Variants in SLC39A4 observed in about 807,000 individuals in gnomAD.
The protein encoded by SLC39A4 is zinc transporter ZIP4.
A neutral mutation model predicts 56.6 loss-of-function variants in SLC39A4; 49 were observed. The observed-to-expected ratio is 0.87, with a 90% CI of 0.69 to 1.10. SLC39A4 has a LOEUF of 1.10. SLC39A4 is among the 50% of genes least tolerant of loss of function. The pLI is 0.00. For synonymous variants in SLC39A4, 540 were observed against 420.4 expected (o/e 1.28, Z -3.48); for missense variants, 993 against 864.2 (o/e 1.15, Z -1.87).
Position 144,414,026 on chromosome 8 carries a change from G to T in SLC39A4, c.1219C>A (p.Leu407Met). 6.3e-7 allele frequency: 1 copy of T among 1,594,842 alleles called. No individual in the cohort carries two copies. Among genetic ancestry groups the T allele is most frequent in the Admixed American group, 1.7e-5 (1 of 57,322 alleles). Residue 407 changes from leucine to methionine, a missense_variant, in exon 7 of 12, where the codon CTG becomes ATG. By Grantham distance (15) the Leu-to-Met change is conservative (BLOSUM62 2). Coordinates refer to ENST00000301305, the MANE Select transcript of SLC39A4 (RefSeq NM_130849.4). Reference sequence around the variant, plus strand: ...AGGAAGAAGGCGTAGAGCCCGGCCAGCATAGCCAGGAGGCGCCAGGTGGGC... The same window carrying T: ...AGGAAGAAGGCGTAGAGCCCGGCCATCATAGCCAGGAGGCGCCAGGTGGGC... ...PQPTWRLLAM[L>M]AGLYAFFLFE...
Position 144,414,753 on chromosome 8 carries a change from GGGGGGCCTGGACT to G in SLC39A4, c.935_947del (p.Gln312ProfsTer33). On this transcript the variant is annotated frameshift_variant, in exon 5 of 12. Coordinates refer to ENST00000301305, the MANE Select transcript of SLC39A4 (RefSeq NM_130849.4). LOFTEE classifies it high-confidence loss of function. ...CTGACTGGCTGAGCTGGTCCTGGAC[GGGGGGCCTGGACT>G]GGGAGGTGCAGGCTCCACTCAGCTG... 1 of 1,612,946 alleles carries G rather than the reference GGGGGGCCTGGACT, an allele frequency of 6.2e-7. No individual in the cohort carries two copies. Among genetic ancestry groups the G allele is most frequent in the Non-Finnish European group, 8.5e-7 (1 of 1,179,854 alleles).
chr8:144,416,619 G>A lies in SLC39A4; in HGVS notation c.171C>T (p.Cys57=), dbSNP rs781945467. 59 of 1,598,236 alleles carry A rather than the reference G, an allele frequency of 3.7e-5. 1 individual carries two copies. In the South Asian group the frequency reaches 4.5e-4, roughly 12 times the overall value. Residue 57 remains cysteine, a synonymous_variant, in exon 1 of 12, where the codon TGC becomes TGT. Coordinates refer to ENST00000301305, the MANE Select transcript of SLC39A4 (RefSeq NM_130849.4). ...LLNTLADRVH[C]ANGPCGKCLS... ...TTACCTTTCCACACGGCCCGTTGGC[G>A]CAGTGCACACGGTCCGCCAGCGTAT...
Position 144,412,501 on chromosome 8 carries a change from G to T in SLC39A4, c.*37C>A, listed in dbSNP as rs781909019. 2 of 1,614,022 alleles carry T rather than the reference G, an allele frequency of 1.2e-6. No homozygotes were observed. Among genetic ancestry groups the T allele is most frequent in the Middle Eastern group, 1.7e-4 (1 of 6,054 alleles). ...CTGGGCTGTAGGTTTGTGAGGTGTG[G>T]GATCTTAAGTCAAAGGTGGGGGACT... is the stretch of plus-strand genomic sequence containing the variant. On this transcript the variant is annotated 3_prime_UTR_variant, in exon 12 of 12. Coordinates refer to ENST00000301305, the MANE Select transcript of SLC39A4 (RefSeq NM_130849.4).
Position 144,413,829 on chromosome 8 carries a change from C to A in SLC39A4, c.1340G>T (p.Ser447Ile). The change falls in exon 8 of 12, where the codon AGC becomes ATC. Residue 447 changes from serine (S) to isoleucine (I), a missense_variant. By Grantham distance (142) the Ser-to-Ile change is moderately radical. Coordinates refer to ENST00000301305, the MANE Select transcript of SLC39A4 (RefSeq NM_130849.4). ...TGCCAGCTGCAGGGACACACCGTGGCTGTGGCCCCCGTGGCTATGGCTGCT... is the reference window on the plus strand; with the variant it reads ...TGCCAGCTGCAGGGACACACCGTGGATGTGGCCCCCGTGGCTATGGCTGCT... ...GHSSHSHGGHSHGVSLQLAPS... is the reference protein window; with the variant it reads ...GHSSHSHGGHIHGVSLQLAPS... The A allele has an allele frequency of 6.3e-7, 1 of 1,590,276 alleles. No homozygotes were observed. Among genetic ancestry groups the A allele is most frequent in the South Asian group, 1.1e-5 (1 of 88,254 alleles).
chr8:144,412,878 C>T lies in SLC39A4; in HGVS notation c.1696G>A (p.Ala566Thr), dbSNP rs188807369. 4.3e-6 allele frequency: 7 copies of T among 1,611,172 alleles called. No individual in the cohort carries two copies. The East Asian group carries it at 1.6e-4, about 36-fold the overall frequency. ...TAGAGACCAGCGAAGGCCGTGAGCG[C>T]GGAGGCCAGGTTCAGCAGCAGTGCT... ...RQALLLNLASALTAFAGLYVA... is the reference protein window; with the variant it reads ...RQALLLNLASTLTAFAGLYVA... Residue 566 changes from alanine (A) to threonine (T), a missense_variant, in exon 11 of 12, where the codon GCG (alanine) becomes ACG (threonine). Ala to Thr is a moderately conservative substitution (Grantham distance 58). Transcript: ENST00000301305.
At chr8:144,412,986 T>C (rs1554872114) in intron 10 of SLC39A4, 40 bp from the exon 11 acceptor site, 2 of 1,549,852 alleles carry the variant, frequency 1.3e-6, no homozygotes, top group Non-Finnish European at 1.7e-6. Context: ...CCCTCCTAGC[T>C]ACATGCCCCG....
At position 144,414,807 on chromosome 8, in the gene SLC39A4, A is replaced by G; in HGVS notation, c.894T>C (p.Pro298=). Residue 298 remains proline, a synonymous_variant, in exon 5 of 12, where the codon CCT becomes CCC. Coordinates refer to ENST00000301305, the MANE Select transcript of SLC39A4 (RefSeq NM_130849.4). ...VTPEAWAQLS[P]ALLQQQLSGA... is the part of the protein sequence containing the mutation. ...CACTCAGCTGCTGTTGGAGCAGGGCAGGGCTCAGTTGGGCCCAGGCCTCCG... is the reference window on the plus strand; with the variant it reads ...CACTCAGCTGCTGTTGGAGCAGGGCGGGGCTCAGTTGGGCCCAGGCCTCCG... The G allele has an allele frequency of 6.2e-7, 1 of 1,613,184 alleles. No homozygotes were observed. Among genetic ancestry groups the G allele is most frequent in the Non-Finnish European group, 8.5e-7 (1 of 1,179,984 alleles).
In SLC39A4 at chr8:144,412,610, G is replaced by A; in HGVS notation, c.1872C>T (p.His624=). The A allele has an allele frequency of 1.2e-6, 2 of 1,614,182 alleles. No homozygotes were observed. Among genetic ancestry groups the A allele is most frequent in the East Asian group, 2.2e-5 (1 of 44,882 alleles). Residue 624 remains histidine (H), a synonymous_variant, in exon 12 of 12, where the codon CAC becomes CAT. Coordinates refer to ENST00000301305, the MANE Select transcript of SLC39A4 (RefSeq NM_130849.4). Reference sequence around the variant, plus strand: ...TCCAGCCGCCCAGCAGGCCCACGTTGTGCAGCAGGAAGAGGAGCCAGGGCC... The same window carrying A: ...TCCAGCCGCCCAGCAGGCCCACGTTATGCAGCAGGAAGAGGAGCCAGGGCC... The part of the protein sequence containing the change: ...DPRPWLLFLL[H]NVGLLGGWTV...
intron 5 of SLC39A4, 127 bp downstream of exon 5, chr8:144,414,598 T>C (rs1822084925): frequency 2.0e-6 from 3 of 1,502,248 alleles, no homozygotes; most frequent in South Asian, 1.3e-5. Flanking sequence ...CACCTTCCCC[T>C]GTGTCTGTTG....
At position 144,412,915 on chromosome 8, in the gene SLC39A4, C is replaced by G. The variant is rs143778004; in HGVS notation, c.1659G>C (p.Leu553=). Residue 553 remains leucine (L), a synonymous_variant, in exon 11 of 12, where the codon CTG becomes CTC. Coordinates refer to ENST00000301305, the MANE Select transcript of SLC39A4 (RefSeq NM_130849.4). ...GDFAALLHAG[L]SVRQALLLNL... ...TCAGCAGCAGTGCTTGGCGCACGGA[C>G]AGCCCCGCGTGCAGCAAGGCGGCGA... is the stretch of plus-strand genomic sequence containing the variant. The G allele has an allele frequency of 1.4e-3, 2,281 of 1,607,602 alleles. 36 individuals are homozygous for G. Among genetic ancestry groups the G allele is most frequent in the Middle Eastern group, 0.01 (60 of 5,868 alleles).
rs1044657284 is a variant in SLC39A4, at chr8:144,413,258, G to A, written c.1606C>T (p.His536Tyr). Reference sequence around the variant, plus strand: ...TCACCCAGCTCGTGTGGCAACTCGTGGCAGAACACGGCCAGCGAGGTGGCC... The same window carrying A: ...TCACCCAGCTCGTGTGGCAACTCGTAGCAGAACACGGCCAGCGAGGTGGCC... ...GLATSLAVFC[H>Y]ELPHELGDFA... The change falls in exon 10 of 12, where the codon CAC becomes TAC. Residue 536 changes from histidine to tyrosine, a missense_variant. Transcript: ENST00000301305. 6 of 1,590,834 alleles carry A rather than the reference G, an allele frequency of 3.8e-6. No individual in the cohort carries two copies. The highest frequency in any genetic ancestry group is 4.3e-6 in the Non-Finnish European group (5 of 1,173,114).
In SLC39A4 at chr8:144,416,723, A is replaced by ACGCCGT; in HGVS notation, c.61_66dup (p.Thr21_Ala22dup). 1 of 1,612,448 alleles carries ACGCCGT rather than the reference A, an allele frequency of 6.2e-7. No homozygotes were observed. Among genetic ancestry groups the ACGCCGT allele is most frequent in the Non-Finnish European group, 8.5e-7 (1 of 1,179,790 alleles). On this transcript the variant is annotated inframe_insertion, in exon 1 of 12. Coordinates refer to ENST00000301305, the MANE Select transcript of SLC39A4 (RefSeq NM_130849.4). The stretch of plus-strand genomic sequence containing the variant: ...AGGCTCAGCAGACCAGCAGGCGGGG[A>ACGCCGT]CGCCGTCGCCGTCACCACCAGCACA...
rs371989787 is a variant in SLC39A4 at position 144,413,538 on chromosome 8, G to C, written c.1449C>G (p.Asn483Lys). 1.3e-6 allele frequency: 2 copies of C among 1,556,074 alleles called. No individual in the cohort carries two copies. The highest frequency in any genetic ancestry group is 1.7e-6 in the Non-Finnish European group (2 of 1,149,910). The change falls in exon 9 of 12, where the codon AAC becomes AAG. Residue 483 changes from asparagine (N) to lysine (K), a missense_variant. Coordinates refer to ENST00000301305, the MANE Select transcript of SLC39A4 (RefSeq NM_130849.4). ...CTGGGCTCAGTCTCCTGGGCTCAGGGTTCAGCAGCTCCGGGCTCTCCTCCG... is the reference window on the plus strand; with the variant it reads ...CTGGGCTCAGTCTCCTGGGCTCAGGCTTCAGCAGCTCCGGGCTCTCCTCCG... ...LVAEESPELL[N>K]PEPRRLSPEL...
chr8:144,412,941 A>G lies in SLC39A4; in HGVS notation c.1633T>C (p.Phe545Leu), dbSNP rs1821951955. Residue 545 changes from phenylalanine to leucine, a missense_variant, in exon 11 of 12, where the codon TTC becomes CTC. Coordinates refer to ENST00000301305, the MANE Select transcript of SLC39A4 (RefSeq NM_130849.4). Reference sequence around the variant, plus strand: ...AGCCCCGCGTGCAGCAAGGCGGCGAAGTCCCCTGCGGGCGAGTCCACATTA... The same window carrying G: ...AGCCCCGCGTGCAGCAAGGCGGCGAGGTCCCCTGCGGGCGAGTCCACATTA... Reference protein sequence around the residue: ...CHELPHELGDFAALLHAGLSV... With the variant: ...CHELPHELGDLAALLHAGLSV... 1.0e-5 allele frequency: 16 copies of G among 1,599,344 alleles called. No individual in the cohort carries two copies. Among genetic ancestry groups the G allele is most frequent in the Middle Eastern group, 1.9e-4 (1 of 5,320 alleles).
chr8:144,414,138 G>A (rs782435791), intron 6 of SLC39A4, 43 bp from the exon 7 acceptor site: 8 of 1,555,816 alleles, frequency 5.1e-6, no homozygotes, highest in Non-Finnish European at 6.1e-6. Context: ...GTCCCAGGGC[G>A]CCTCCCACCA....
Position 144,414,911 on chromosome 8 carries a change from G to A in SLC39A4, c.805-15C>T. On this transcript the variant is annotated splice_polypyrimidine_tract_variant and intron_variant, in intron 4 of 11. Transcript: ENST00000301305. ...CTCAGGCATACCTGGGGGGTGGCAG[G>A]ACAGGCTCAGGGGCCCAAGCAGACC... 6.2e-7 allele frequency: 1 copy of A among 1,613,186 alleles called. No individual in the cohort carries two copies. Among genetic ancestry groups the A allele is most frequent in the Non-Finnish European group, 8.5e-7 (1 of 1,179,948 alleles).
In SLC39A4 at chr8:144,412,987, A is replaced by G. The variant is rs368282349; in HGVS notation, c.1628-41T>C. 9.0e-6 allele frequency: 14 copies of G among 1,548,330 alleles called. No individual in the cohort carries two copies. The African/African-American group carries it at 1.5e-4, about 17-fold the overall frequency. Reference sequence around the variant, plus strand: ...CATTAACAGCTCCGCCCTCCTAGCTACATGCCCCGCCCACCTCCTTTCGGT... The same window carrying G: ...CATTAACAGCTCCGCCCTCCTAGCTGCATGCCCCGCCCACCTCCTTTCGGT... On this transcript the variant is annotated intron_variant, in intron 10 of 11. Transcript: ENST00000301305.
Position 144,415,439 on chromosome 8 carries a change from C to A in SLC39A4, c.475-20G>T. The A allele has an allele frequency of 6.3e-7, 1 of 1,581,354 alleles. No individual in the cohort carries two copies. The highest frequency in any genetic ancestry group is 1.3e-5 in the African/African-American group (1 of 74,442). On this transcript the variant is annotated intron_variant, in intron 2 of 11. Transcript: ENST00000301305. ...GCAGGCCTGGGGAAGAGGGGGCCTC[C>A]GCCTCAGCCTTTGGTGTGACCTTCT...
At position 144,415,256 on chromosome 8, in the gene SLC39A4, T is replaced by G. The variant is rs1822121764; in HGVS notation, c.638A>C (p.His213Pro). ...CAGCGTCATAGGGACCTCGCTGCTG[T>G]GCTGCTGGAACACAAAGTCCACGAA... Reference protein sequence around the residue: ...QYFVDFVFQQHSSEVPMTLAE... With the variant: ...QYFVDFVFQQPSSEVPMTLAE... The change falls in exon 3 of 12, where the codon CAC (histidine) becomes CCC (proline). Residue 213 changes from histidine to proline, a missense_variant. Physicochemically the swap from His to Pro is moderately conservative, Grantham distance 77. Transcript: ENST00000301305. The G allele has an allele frequency of 6.2e-7, 1 of 1,613,144 alleles. No homozygotes were observed. The highest frequency in any genetic ancestry group is 1.1e-5 in the South Asian group (1 of 91,080).
Sources: allele counts gnomAD v4.1 joint callset, GRCh38; gene constraint gnomAD v4.1.1; transcripts MANE v1.5; gene names NCBI Gene and HGNC (gene_info 2026-07-23, HGNC 2026-07-21).